Variants in MRPL15 observed in about 807,000 individuals in gnomAD.
The protein encoded by MRPL15 is mitochondrial ribosomal protein L15, also known as large ribosomal subunit protein uL15m.
Under a neutral mutation model 28.0 loss-of-function variants are expected in MRPL15, and 24 were observed. That is an observed-to-expected ratio of 0.86 (90% CI 0.62 to 1.21). MRPL15 has a LOEUF of 1.21. Ranked by LOEUF, MRPL15 falls within the 50% of genes most tolerant of loss-of-function variation. The pLI, the probability that MRPL15 is intolerant of heterozygous loss-of-function variation, is 0.00. For synonymous variants in MRPL15, 124 were observed against 137.0 expected, an observed-to-expected ratio of 0.90 and a Z score of 0.66; for missense variants, 343 against 372.4, an observed-to-expected ratio of 0.92 and a Z score of 0.65.
At chr8:54,137,519 A>G (rs915405658) in intron 3 of MRPL15, 86 bp downstream of exon 3, 13 of 1,306,508 alleles carry the variant, frequency 1.0e-5, no homozygotes, top group Non-Finnish European at 1.3e-5. Context: ...GCTGGAGTAC[A>G]GTGGCGCAAT....
chr8:54,138,542 C>T (rs1810868375), intron 3 of MRPL15, among the ~76,000 whole-genome samples: 1 of 151,302 alleles, frequency 6.6e-6, no homozygotes, highest in South Asian at 2.1e-4. Context: ...TGTTCTCGAA[C>T]TCCTGACCTC....
chr8:54,145,726 T>C (rs146703006), intron 4 of MRPL15, among the ~76,000 whole-genome samples: 2 of 152,316 alleles, frequency 1.3e-5, no homozygotes, highest in Admixed American at 6.5e-5. Context: ...TTCTCCTACC[T>C]CCCAAGGTGC....
chr8:54,143,969 ATG>A (rs1353785799), intron 4 of MRPL15, among the ~76,000 whole-genome samples: 1 of 152,252 alleles, frequency 6.6e-6, no homozygotes, highest in Non-Finnish European at 1.5e-5. Context: ...AAAAGAGCAT[ATG>A]TACACACATG....
chr8:54,136,048 T>C (rs1199014696), intron 1 of MRPL15, among the ~76,000 whole-genome samples: 4 of 152,252 alleles, frequency 2.6e-5, no homozygotes, highest in African/African-American at 4.8e-5. Context: ...TACTGTCATT[T>C]TAACAGTCAG....
chr8:54,141,208 A>G (rs950112999), intron 3 of MRPL15, among the ~76,000 whole-genome samples: 1 of 152,218 alleles, frequency 6.6e-6, no homozygotes, highest in Non-Finnish European at 1.5e-5. Flanking sequence ...CTGGATTAGA[A>G]TACTTGCTTT....
intron 3 of MRPL15, among the ~76,000 whole-genome samples, chr8:54,138,634 G>C (rs568765187): frequency 6.6e-6 from 1 of 151,904 alleles, no homozygotes; most frequent in Admixed American, 6.6e-5. Context: ...GGTCTTTTTT[G>C]AGAGTCTTTT....
intron 1 of MRPL15, among the ~76,000 whole-genome samples, chr8:54,135,682 G>T (rs1158739008): frequency 1.4e-5 from 2 of 145,394 alleles, no homozygotes; most frequent in Non-Finnish European, 3.0e-5. Flanking sequence ...CCGCCATCAC[G>T]CCCGGCTAAT....
intron 3 of MRPL15, among the ~76,000 whole-genome samples, chr8:54,140,591 T>TTTTTTTTTTTTTTA (rs1810907461): frequency 7.3e-6 from 1 of 136,884 alleles, no homozygotes; most frequent in South Asian, 2.4e-4. Context: ...TTTTTTTTTT[T>TTTTTTTTTTTTTTA]GAGATGGAGT....
In MRPL15 at chr8:54,137,326, G is replaced by C. The variant is rs149600755; in HGVS notation, c.322G>C (p.Gly108Arg). The C allele has an allele frequency of 1.2e-6, 2 of 1,614,034 alleles. No homozygotes were observed. Residue 108 changes from glycine to arginine, a missense_variant, in exon 3 of 5, where the codon GGT (glycine) becomes CGT (arginine). Coordinates refer to ENST00000260102, the MANE Select transcript of MRPL15 (RefSeq NM_014175.4). ...LNRLQYLIDL[G>R]RVDPSQPIDL... Reference sequence around the variant, plus strand: ...TAGACTGCAGTATCTTATTGATTTGGGTCGTGTTGATCCTAGTCAACCTAT... The same window carrying C: ...TAGACTGCAGTATCTTATTGATTTGCGTCGTGTTGATCCTAGTCAACCTAT...
rs1160711821 is a variant in MRPL15, at chr8:54,147,869, T to A, written c.*150T>A. ...CATATGTCTCATTTTCATCTAAAAT[T>A]AAATGGCAGGAAACAAGGACTGCAT... On this transcript the variant is annotated 3_prime_UTR_variant, in exon 5 of 5. Transcript: ENST00000260102. The A allele has an allele frequency of 1.4e-6, 1 of 692,606 alleles. No individual in the cohort carries two copies. The highest frequency in any genetic ancestry group is 1.8e-5 in the African/African-American group (1 of 55,906). The allele number at this position is 692,606 out of a possible 1,614,324, so 42.9% of individuals were successfully genotyped here. A position where few individuals can be genotyped will look rare whatever the true frequency, so the allele number is the denominator to read the frequency against.
intron 4 of MRPL15, among the ~76,000 whole-genome samples, chr8:54,147,041 T>G (rs1811056265): frequency 6.6e-6 from 1 of 152,218 alleles, no homozygotes. Context: ...CAGACCAGCC[T>G]GACCAACATG....
At chr8:54,140,965 A>G (rs982700289) in intron 3 of MRPL15, among the ~76,000 whole-genome samples, 1 of 152,072 alleles carries the variant, frequency 6.6e-6, no homozygotes, top group African/African-American at 2.4e-5. Flanking sequence ...AATAAAGTCA[A>G]TAGTGAATGC....
At position 54,147,911 on chromosome 8, in the gene MRPL15, T is replaced by G. The variant is rs888121122; in HGVS notation, c.*192T>G. On this transcript the variant is annotated 3_prime_UTR_variant, in exon 5 of 5. Transcript: ENST00000260102. ...GGACTGCATAGAGAAACTGAGTCTG[T>G]GTGGGTTCTGTCTCAAAGATACAAA... The G allele has an allele frequency of 1.9e-6, 1 of 533,450 alleles. No individual in the cohort carries two copies. The highest frequency in any genetic ancestry group is 3.2e-6 in the Non-Finnish European group (1 of 307,714). 33.0% of individuals were successfully genotyped at this position (533,450 alleles called of 1,614,324 possible).
At chr8:54,137,237 GT>G (rs761560623) in intron 2 of MRPL15, 30 bp from the exon 3 acceptor site, 1 of 1,593,092 alleles carries the variant, frequency 6.3e-7, no homozygotes, top group South Asian at 1.1e-5. Flanking sequence ...GAAGATGAGA[GT>G]TTTCCAACTC....
At chr8:54,147,059 C>T (rs1171863554) in intron 4 of MRPL15, among the ~76,000 whole-genome samples, 2 of 152,126 alleles carry the variant, frequency 1.3e-5, no homozygotes, top group African/African-American at 4.8e-5. Context: ...ATGGTCAAAC[C>T]CCGTCTCTAC....
At chr8:54,145,106 C>T (rs1009638399) in intron 4 of MRPL15, among the ~76,000 whole-genome samples, 1 of 152,140 alleles carries the variant, frequency 6.6e-6, no homozygotes, top group East Asian at 1.9e-4. Flanking sequence ...GCAGGTTGTC[C>T]CAGGATCTTT....
chr8:54,142,162 A>G (rs1206591905), intron 3 of MRPL15, among the ~76,000 whole-genome samples: 1 of 134,716 alleles, frequency 7.4e-6, no homozygotes, highest in Non-Finnish European at 1.6e-5. Context: ...TTTTATTTTT[A>G]TTTTTATTTG....
chr8:54,136,785 C>A, intron 2 of MRPL15, 120 bp downstream of exon 2: 1 of 1,247,678 alleles, frequency 8.0e-7, no homozygotes, highest in Non-Finnish European at 1.1e-6. Flanking sequence ...ACTTTTGCTA[C>A]TGTTCCCCTG....
intron 1 of MRPL15, among the ~76,000 whole-genome samples, 179 bp downstream of exon 1, chr8:54,135,570 C>CT (rs537299219): frequency 0.013 from 1,564 of 116,746 alleles, 14 homozygotes; most frequent in Non-Finnish European, 0.022. Flanking sequence ...GCACCCAGTT[C>CT]TTTTTTTTTT....
Sources: gnomAD v4.1 joint callset for allele counts (sites outside exome capture counted in the v4.1 genomes callset) on GRCh38, gnomAD v4.1.1 for gene constraint, MANE v1.5 for transcripts, NCBI Gene and HGNC (gene_info 2026-07-23, HGNC 2026-07-21) for gene names.